RGL1: variants seen among roughly 807,000 people sequenced by gnomAD.
RGL1 encodes ral guanine nucleotide dissociation stimulator-like 1.
Under a neutral mutation model 95.2 loss-of-function variants are expected in RGL1, and 24 were observed. The ratio of observed to expected loss-of-function variants is 0.25; its 90% CI spans 0.18 to 0.35. RGL1 has a LOEUF of 0.35. RGL1 is among the 10% of genes least tolerant of loss of function. RGL1 has a pLI of 1.00. For missense variants in RGL1, 715 were observed against 936.3 expected, an observed-to-expected ratio of 0.76 and a Z score of 3.08; for synonymous variants, 329 against 344.9, an observed-to-expected ratio of 0.95 and a Z score of 0.51.
chr1:183,917,898 C>A (rs10752924), intron 16 of RGL1, among the ~76,000 whole-genome samples: 39,446 of 152,004 alleles, frequency 0.26, 5,501 homozygotes, highest in Non-Finnish European at 0.3. Context: ...GCTGGAGTGT[C>A]GGGGTAGACT....
At chr1:183,654,589 G>A (rs1486394349) in intron 1 of RGL1, among the ~76,000 whole-genome samples, 1 of 152,204 alleles carries the variant, frequency 6.6e-6, no homozygotes. Flanking sequence ...CTGTAAGAAA[G>A]TATTAGCTGT....
chr1:183,734,504 T>C (rs1656814597), intron 1 of RGL1, among the ~76,000 whole-genome samples: 1 of 152,226 alleles, frequency 6.6e-6, no homozygotes, highest in Non-Finnish European at 1.5e-5. Flanking sequence ...GTGTTGTCAA[T>C]GTTGCTGTTG....
intron 1 of RGL1, among the ~76,000 whole-genome samples, chr1:183,684,682 C>T (rs975568370): frequency 6.6e-6 from 1 of 152,134 alleles, no homozygotes; most frequent in Non-Finnish European, 1.5e-5. Context: ...AAATGGCTGC[C>T]CAGTTTTGTG....
At chr1:183,890,444 T>G (rs1667351947) in intron 8 of RGL1, among the ~76,000 whole-genome samples, 1 of 152,182 alleles carries the variant, frequency 6.6e-6, no homozygotes, top group Non-Finnish European at 1.5e-5. Context: ...GTGTAACATA[T>G]GTTTCTGGTT....
At chr1:183,691,040 A>G (rs1653917274) in intron 1 of RGL1, among the ~76,000 whole-genome samples, 1 of 152,154 alleles carries the variant, frequency 6.6e-6, no homozygotes, top group South Asian at 2.1e-4. Context: ...TAAATTTTGG[A>G]ACTTTAAAAA....
chr1:183,833,741 G>A (rs1318918123), intron 2 of RGL1, among the ~76,000 whole-genome samples: 5 of 152,140 alleles, frequency 3.3e-5, no homozygotes, highest in African/African-American at 4.8e-5. Flanking sequence ...AAACTGATTT[G>A]ACCTTACAAA....
At chr1:183,867,998 AG>A (rs1665941780) in intron 4 of RGL1, among the ~76,000 whole-genome samples, 1 of 152,334 alleles carries the variant, frequency 6.6e-6, no homozygotes, top group South Asian at 2.1e-4. Context: ...ATACCAGTGT[AG>A]GTATTTGAAT....
chr1:183,812,640 C>T (rs1661801133), intron 2 of RGL1, among the ~76,000 whole-genome samples: 1 of 152,120 alleles, frequency 6.6e-6, no homozygotes, highest in Admixed American at 6.5e-5. Context: ...GCTAGGGGAG[C>T]CCAGAATCAG....
At chr1:183,897,506 G>T (rs1000182163) in intron 9 of RGL1, among the ~76,000 whole-genome samples, 3 of 151,542 alleles carry the variant, frequency 2.0e-5, no homozygotes, top group Non-Finnish European at 4.4e-5. Flanking sequence ...CTGAGATTGC[G>T]CCACTGCACT....
intron 7 of RGL1, among the ~76,000 whole-genome samples, chr1:183,886,356 A>G (rs189280151): frequency 2.7e-4 from 41 of 152,264 alleles, no homozygotes; most frequent in Admixed American, 1.0e-3. Context: ...TGTGAGTGAG[A>G]TATAGTGTAG....
intron 2 of RGL1, among the ~76,000 whole-genome samples, chr1:183,826,909 C>CT (rs1036205996): frequency 2.4e-4 from 37 of 151,338 alleles, no homozygotes; most frequent in Admixed American, 6.6e-4. Flanking sequence ...TTAAATGTAC[C>CT]TTTTTTTTTC....
rs577643377 is a variant in RGL1 at position 183,927,658 on chromosome 1, G to T, written c.*1366G>T. The stretch of plus-strand genomic sequence containing the variant: ...TTCCTTCCAAGTCTGAGCTGTGCTG[G>T]GGTTTGAACTAAAAGCCATATGTGG... On this transcript the variant is annotated 3_prime_UTR_variant, in exon 18 of 18. Coordinates refer to ENST00000360851, the MANE Select transcript of RGL1 (RefSeq NM_001297671.3). 1.3e-5 allele frequency: 2 copies of T among 152,546 alleles called. No homozygotes were observed. The highest frequency in any genetic ancestry group is 2.9e-5 in the Non-Finnish European group (2 of 68,034). The allele number at this position is 152,546 out of a possible 1,614,324, so 9.4% of individuals were successfully genotyped here. A position where few individuals can be genotyped will look rare whatever the true frequency, so the allele number is the denominator to read the frequency against.
At chr1:183,755,784 C>T (rs76599229) in intron 2 of RGL1, among the ~76,000 whole-genome samples, 2 of 151,886 alleles carry the variant, frequency 1.3e-5, no homozygotes, top group East Asian at 1.9e-4. Flanking sequence ...ACAGGTATTT[C>T]GAGAGCTTAG....
chr1:183,905,023 A>G (rs1300137701), intron 13 of RGL1, 52 bp downstream of exon 13: 6 of 1,582,760 alleles, frequency 3.8e-6, no homozygotes, highest in Admixed American at 1.9e-5. Flanking sequence ...GGCAAGAAAA[A>G]TGCTGCATTT....
intron 5 of RGL1, among the ~76,000 whole-genome samples, chr1:183,881,201 TC>T (rs1666805601): frequency 6.6e-6 from 1 of 152,202 alleles, no homozygotes; most frequent in Admixed American, 6.5e-5. Flanking sequence ...GTTTAATGGC[TC>T]CTTCTAGCCT....
intron 1 of RGL1, among the ~76,000 whole-genome samples, chr1:183,688,732 A>T (rs765422753): frequency 6.6e-6 from 1 of 152,186 alleles, no homozygotes; most frequent in Non-Finnish European, 1.5e-5. Context: ...CCCTTTCCAG[A>T]TATTGGAAGG....
At chr1:183,661,600 T>C (rs1204799739) in intron 1 of RGL1, among the ~76,000 whole-genome samples, 2 of 151,342 alleles carry the variant, frequency 1.3e-5, no homozygotes, top group African/African-American at 4.9e-5. Flanking sequence ...CAGGACCAGA[T>C]GGATTCACAG....
intron 3 of RGL1, among the ~76,000 whole-genome samples, chr1:183,856,489 G>T (rs1310979922): frequency 6.6e-6 from 1 of 151,694 alleles, no homozygotes; most frequent in South Asian, 2.1e-4. Flanking sequence ...AAAAAGTTTA[G>T]AAAAATGTCA....
At chr1:183,761,926 G>A (rs78664917) in intron 2 of RGL1, among the ~76,000 whole-genome samples, 8,278 of 152,128 alleles carry the variant, frequency 0.054, 243 homozygotes, top group East Asian at 0.08. Flanking sequence ...TGAACCAACC[G>A]CTGCAAGCTT....
Sources: allele counts gnomAD v4.1 joint callset (sites outside exome capture counted in the v4.1 genomes callset), GRCh38; gene constraint gnomAD v4.1.1; transcripts MANE v1.5; gene names NCBI Gene and HGNC (gene_info 2026-07-23, HGNC 2026-07-21).